Variants in DMXL2 observed in about 807,000 individuals in gnomAD.
The protein encoded by DMXL2 is dmX-like protein 2.
In DMXL2, 103 loss-of-function variants were observed where a neutral mutation model predicts 331.1. The observed-to-expected ratio is 0.31, with a 90% CI of 0.27 to 0.37. DMXL2 has a LOEUF of 0.37. DMXL2 is among the 10% of genes least tolerant of loss of function. The pLI is 1.00. For synonymous variants in DMXL2, 1,281 were observed against 1,252.1 expected (o/e 1.02, Z -0.49); for missense variants, 3,171 against 3,642.9 (o/e 0.87, Z 3.33).
At chr15:51,595,008 C>G (rs2052686478) in intron 1 of DMXL2, among the ~76,000 whole-genome samples, 1 of 152,126 alleles carries the variant, frequency 6.6e-6, no homozygotes, top group Non-Finnish European at 1.5e-5. Context: ...TGAAAACTGG[C>G]ACAAGACAGG....
rs2038862974 is a variant in DMXL2, at chr15:51,448,493, G to C, written c.*491C>G. 3.0e-5 allele frequency: 5 copies of C among 169,020 alleles called. 1 individual carries two copies. In the South Asian group the frequency reaches 7.2e-4, roughly 24 times the overall value. The allele number at this position is 169,020 out of a possible 1,614,324, so 10.5% of individuals were successfully genotyped here. A position where few individuals can be genotyped will look rare whatever the true frequency, so the allele number is the denominator to read the frequency against. The stretch of plus-strand genomic sequence containing the variant: ...AAACGGCCTCTCACAGCAGAGAACT[G>C]GTCACTGCGCACTGCTCCACAGCTA... On this transcript the variant is annotated 3_prime_UTR_variant, in exon 44 of 44. Coordinates refer to ENST00000560891, the MANE Select transcript of DMXL2 (RefSeq NM_001378457.1).
intron 3 of DMXL2, among the ~76,000 whole-genome samples, chr15:51,566,231 GGGTGTGTGT>G (rs1567126531): frequency 9.5e-5 from 9 of 94,604 alleles, no homozygotes; most frequent in East Asian, 3.0e-4. Context: ...TGTGTGTGTG[GGGTGTGTGT>G]GTGTGTGTGT....
chr15:51,591,846 G>C (rs534980819), intron 1 of DMXL2, among the ~76,000 whole-genome samples: 40 of 152,322 alleles, frequency 2.6e-4, no homozygotes, highest in African/African-American at 7.5e-4. Context: ...CAGACCTGCA[G>C]CTGAGGGTCC....
intron 14 of DMXL2, 26 bp downstream of exon 14, chr15:51,517,051 AT>A (rs2047077283): frequency 6.4e-7 from 1 of 1,563,810 alleles, no homozygotes. Context: ...GTATACGAAT[AT>A]CACCAATTCA....
At chr15:51,457,087 A>C (rs1382918250) in intron 37 of DMXL2, among the ~76,000 whole-genome samples, 2 of 152,186 alleles carry the variant, frequency 1.3e-5, no homozygotes, top group East Asian at 3.9e-4. Flanking sequence ...TGGAAGGATC[A>C]ATTGAGCCCA....
intron 26 of DMXL2, 34 bp from the exon 27 acceptor site, chr15:51,476,753 G>A: frequency 6.5e-7 from 1 of 1,541,420 alleles, no homozygotes; most frequent in Non-Finnish European, 8.7e-7. Context: ...TTATCATCCT[G>A]AGAGGTAATA....
chr15:51,535,829 AT>A, intron 12 of DMXL2, 45 bp from the exon 13 acceptor site: 1 of 1,549,734 alleles, frequency 6.5e-7, no homozygotes, highest in Non-Finnish European at 8.6e-7. Context: ...CATGTAGTGT[AT>A]TTTTCTTATT....
At chr15:51,600,051 G>A (rs184256156) in intron 1 of DMXL2, among the ~76,000 whole-genome samples, 1 of 152,130 alleles carries the variant, frequency 6.6e-6, no homozygotes. Flanking sequence ...GAGAAACCTG[G>A]CTCACAATAT....
At chr15:51,465,512 C>T (rs906769461) in intron 31 of DMXL2, 54 bp downstream of exon 31, 1 of 1,310,026 alleles carries the variant, frequency 7.6e-7, no homozygotes, top group Non-Finnish European at 1.1e-6. Context: ...TAAAGAGAAA[C>T]TTGACGGCAA....
chr15:51,549,336 A>G (rs983892453), intron 6 of DMXL2, among the ~76,000 whole-genome samples: 1 of 151,776 alleles, frequency 6.6e-6, no homozygotes, highest in African/African-American at 2.4e-5. Flanking sequence ...ATATATATAT[A>G]CCACAATTTC....
At chr15:51,484,260 G>C (rs1247875480) in intron 23 of DMXL2, among the ~76,000 whole-genome samples, 1 of 152,192 alleles carries the variant, frequency 6.6e-6, no homozygotes, top group Non-Finnish European at 1.5e-5. Flanking sequence ...AAGTGACCAT[G>C]TACCCACACT....
intron 37 of DMXL2, 137 bp downstream of exon 37, chr15:51,457,191 A>T (rs374095351): frequency 1.1e-6 from 1 of 940,304 alleles, no homozygotes. Flanking sequence ...AAGCCACAAT[A>T]AATGTCAGCT....
chr15:51,592,525 C>T (rs1426240782), intron 1 of DMXL2, among the ~76,000 whole-genome samples: 2 of 152,170 alleles, frequency 1.3e-5, no homozygotes. Flanking sequence ...TTCCCCAATC[C>T]AGCAAGGCAG....
chr15:51,492,025 A>G (rs575062912), intron 19 of DMXL2, among the ~76,000 whole-genome samples: 1 of 152,376 alleles, frequency 6.6e-6, no homozygotes, highest in South Asian at 2.1e-4. Context: ...CATTAGAAAG[A>G]AAAATATTTG....
chr15:51,580,077 T>C (rs937725186), intron 1 of DMXL2, among the ~76,000 whole-genome samples: 1 of 152,230 alleles, frequency 6.6e-6, no homozygotes, highest in Non-Finnish European at 1.5e-5. Flanking sequence ...TGTTCATTTT[T>C]GTAATCCCAA....
intron 1 of DMXL2, among the ~76,000 whole-genome samples, chr15:51,598,449 A>G (rs956795005): frequency 2.6e-5 from 4 of 152,192 alleles, no homozygotes; most frequent in Admixed American, 6.5e-5. Flanking sequence ...TACTGATAAA[A>G]TACTATTATC....
intron 29 of DMXL2, among the ~76,000 whole-genome samples, chr15:51,467,704 G>C (rs888636056): frequency 5.3e-5 from 8 of 151,500 alleles, no homozygotes; most frequent in African/African-American, 1.9e-4. Context: ...CCTTATTTAA[G>C]TTTATAGCCT....
At chr15:51,460,122 C>T in intron 33 of DMXL2, 3 of 960,924 alleles carry the variant, frequency 3.1e-6, no homozygotes, top group Non-Finnish European at 3.7e-6. Context: ...TGATTTTTCT[C>T]TAAGTAAATA....
At chr15:51,582,411 T>C (rs1382449216) in intron 1 of DMXL2, among the ~76,000 whole-genome samples, 1 of 152,186 alleles carries the variant, frequency 6.6e-6, no homozygotes, top group East Asian at 1.9e-4. Context: ...TCACTTCTGC[T>C]GTGATCTTTG....
Sources: allele counts gnomAD v4.1 joint callset (sites outside exome capture counted in the v4.1 genomes callset), GRCh38; gene constraint gnomAD v4.1.1; transcripts MANE v1.5; gene names NCBI Gene and HGNC (gene_info 2026-07-23, HGNC 2026-07-21).